Variants in DMD observed in about 807,000 individuals in gnomAD.
DMD encodes the protein mutant dystrophin.
Under a neutral mutation model 330.1 loss-of-function variants are expected in DMD, and 63 were observed. The ratio of observed to expected loss-of-function variants is 0.19; its 90% CI spans 0.16 to 0.24. The LOEUF (loss-of-function observed/expected upper bound fraction) is 0.24, where lower values mean the gene tolerates loss of function less well. DMD is among the 10% of genes least tolerant of loss of function. The probability of loss-of-function intolerance (pLI) is 1.00; values close to 1 mark genes in which losing one functional copy is unlikely to be tolerated. For missense variants in DMD, 3,344 were observed against 2,684.1 expected, an observed-to-expected ratio of 1.25 and a Z score of -5.43; for synonymous variants, 1,223 against 959.8, an observed-to-expected ratio of 1.27 and a Z score of -5.07.
At chrX:31,743,088 T>C (rs1450140092) in intron 51 of DMD, among the ~76,000 whole-genome samples, 4 of 111,033 alleles carry the variant, frequency 3.6e-5, no homozygotes, top group Non-Finnish European at 7.6e-5. Context: ...CCAACAAACA[T>C]GAAAAAATGC....
intron 29 of DMD, among the ~76,000 whole-genome samples, chrX:32,425,567 T>G (rs1161417605): frequency 8.9e-6 from 1 of 111,756 alleles, no homozygotes; most frequent in African/African-American, 3.3e-5. Flanking sequence ...TCTTTCTCAT[T>G]TTTTCATCAT....
At chrX:31,150,055 T>G (rs2037209692) in intron 74 of DMD, among the ~76,000 whole-genome samples, 1 of 112,118 alleles carries the variant, frequency 8.9e-6, no homozygotes, top group South Asian at 3.7e-4. Context: ...TCTAAATACA[T>G]AGTGTGCTGA....
intron 51 of DMD, among the ~76,000 whole-genome samples, chrX:31,749,323 G>A (rs1373177701): frequency 2.5e-5 from 2 of 80,613 alleles, no homozygotes; most frequent in African/African-American, 5.0e-5. Context: ...TCCCCAGAGT[G>A]TGATGTTCCC....
intron 2 of DMD, among the ~76,000 whole-genome samples, chrX:32,887,027 C>A (rs767905092): frequency 5.4e-5 from 6 of 111,946 alleles, no homozygotes; most frequent in Non-Finnish European, 7.5e-5. Flanking sequence ...CCTTTTACTT[C>A]TTCCATTCAA....
At chrX:32,703,207 C>T (rs2064294304) in intron 7 of DMD, among the ~76,000 whole-genome samples, 2 of 111,469 alleles carry the variant, frequency 1.8e-5, no homozygotes, top group Admixed American at 1.9e-4. Flanking sequence ...CTTCTGACTC[C>T]CCCCGCAAAA....
intron 55 of DMD, among the ~76,000 whole-genome samples, chrX:31,627,155 TTAAC>T (rs1294511060): frequency 8.9e-6 from 1 of 112,717 alleles, no homozygotes; most frequent in Non-Finnish European, 1.9e-5. Flanking sequence ...TGTTTGATCA[TTAAC>T]TACGACAAAT....
chrX:33,035,651 CAT>C (rs2068018142), intron 1 of DMD, among the ~76,000 whole-genome samples: 1 of 111,755 alleles, frequency 8.9e-6, no homozygotes, highest in African/African-American at 3.2e-5. Context: ...TAATCGGACA[CAT>C]ATTTTTAATG....
chrX:33,164,932 T>C (rs754318641), intron 1 of DMD, among the ~76,000 whole-genome samples: 1 of 107,833 alleles, frequency 9.3e-6, no homozygotes, highest in Non-Finnish European at 1.9e-5. Context: ...TTCTTTCTTT[T>C]TTTTTTTTTT....
chrX:32,076,186 C>T (rs1166855169), intron 44 of DMD, among the ~76,000 whole-genome samples: 4 of 106,994 alleles, frequency 3.7e-5, no homozygotes, highest in Non-Finnish European at 7.7e-5. Flanking sequence ...AGTCATGACC[C>T]TCCAGAGGAT....
At chrX:31,619,186 A>G (rs1482608806) in intron 55 of DMD, among the ~76,000 whole-genome samples, 1 of 111,445 alleles carries the variant, frequency 9.0e-6, no homozygotes, top group Non-Finnish European at 1.9e-5. Flanking sequence ...TTTAGTTTAT[A>G]TAATTGCCCT....
chrX:32,369,010 G>GAGAT (rs1271470531), intron 34 of DMD, among the ~76,000 whole-genome samples: 1 of 111,489 alleles, frequency 9.0e-6, no homozygotes, highest in Non-Finnish European at 1.9e-5. Context: ...CCACCTTCAG[G>GAGAT]AGATTCAAGA....
chrX:31,869,719 C>T (rs753417170), intron 48 of DMD, among the ~76,000 whole-genome samples: 1 of 110,120 alleles, frequency 9.1e-6, no homozygotes, highest in South Asian at 3.9e-4. Context: ...GGACTCACCA[C>T]CACAGCAAAT....
At chrX:31,430,793 C>CTTTTT (rs565087970) in intron 60 of DMD, among the ~76,000 whole-genome samples, 3 of 48,336 alleles carry the variant, frequency 6.2e-5, no homozygotes, top group African/African-American at 1.9e-4. Flanking sequence ...AAGTTAAGGT[C>CTTTTT]TTTTTTTTTT....
chrX:32,948,166 GAA>G (rs1309803091), intron 2 of DMD, among the ~76,000 whole-genome samples: 1 of 109,098 alleles, frequency 9.2e-6, no homozygotes, highest in Admixed American at 1.0e-4. Context: ...CGGAGGGAGA[GAA>G]AGTGTATTAA....
chrX:32,815,516 T>TACACAC (rs1231062329), intron 6 of DMD, among the ~76,000 whole-genome samples: 8 of 47,335 alleles, frequency 1.7e-4, no homozygotes, highest in African/African-American at 3.7e-4. Flanking sequence ...TATATATATA[T>TACACAC]ATATACACAC....
At chrX:33,230,225 T>C (rs1054362257) in intron 1 of DMD, among the ~76,000 whole-genome samples, 1 of 111,973 alleles carries the variant, frequency 8.9e-6, no homozygotes, top group Non-Finnish European at 1.9e-5. Flanking sequence ...GCAAAATATA[T>C]TTTAATTACA....
chrX:32,421,726 C>T (rs2098190628), intron 29 of DMD, among the ~76,000 whole-genome samples: 1 of 111,856 alleles, frequency 8.9e-6, no homozygotes. Flanking sequence ...AGATGAAACC[C>T]ATCGTGCTGG....
intron 47 of DMD, among the ~76,000 whole-genome samples, chrX:31,918,016 G>A (rs2094632524): frequency 9.0e-6 from 1 of 111,305 alleles, no homozygotes. Flanking sequence ...TTTTTCCCTT[G>A]CCAATATTAT....
At chrX:32,567,129 T>G (rs1366666981) in intron 15 of DMD, among the ~76,000 whole-genome samples, 1 of 111,802 alleles carries the variant, frequency 8.9e-6, no homozygotes, top group East Asian at 2.8e-4. Flanking sequence ...AGCTCTGAAC[T>G]GCAGAATGCT....
Sources: allele counts gnomAD v4.1 joint callset (sites outside exome capture counted in the v4.1 genomes callset), GRCh38; gene constraint gnomAD v4.1.1; transcripts MANE v1.5; gene names NCBI Gene and HGNC (gene_info 2026-07-23, HGNC 2026-07-21).